TENM2: variants seen among roughly 807,000 people sequenced by gnomAD.
TENM2 encodes teneurin-2.
A neutral mutation model predicts 245.2 loss-of-function variants in TENM2; 52 were observed. The observed-to-expected ratio is 0.21, with a 90% CI of 0.17 to 0.27. The LOEUF is 0.27. TENM2 is among the 10% of genes least tolerant of loss of function. The probability of loss-of-function intolerance (pLI) is 1.00; values close to 1 mark genes in which losing one functional copy is unlikely to be tolerated. For synonymous variants in TENM2, 1,363 were observed against 1,438.9 expected, an observed-to-expected ratio of 0.95 and a Z score of 1.19; for missense variants, 3,046 against 3,666.8, an observed-to-expected ratio of 0.83 and a Z score of 4.37.
chr5:168,109,135 T>C (rs1353802221), intron 9 of TENM2, among the ~76,000 whole-genome samples: 1 of 152,160 alleles, frequency 6.6e-6, no homozygotes, highest in Non-Finnish European at 1.5e-5. Context: ...CTCAGCACAC[T>C]GCAGCTGGAT....
the TENM2 span, among the ~76,000 whole-genome samples, chr5:167,044,985 T>G: frequency 6.6e-6 from 1 of 152,070 alleles, no homozygotes; most frequent in Non-Finnish European, 1.5e-5. Flanking sequence ...AGTGTAGATT[T>G]GAGCACTTTC....
chr5:168,021,497 C>A (rs758359382), intron 5 of TENM2, among the ~76,000 whole-genome samples: 1 of 152,188 alleles, frequency 6.6e-6, no homozygotes, highest in Non-Finnish European at 1.5e-5. Context: ...CCTTTCCTTG[C>A]GTGTTTGGAG....
chr5:167,171,565 T>C, the TENM2 span, among the ~76,000 whole-genome samples: 13 of 152,042 alleles, frequency 8.6e-5, no homozygotes, highest in African/African-American at 2.9e-4. Context: ...GAAACAGCTG[T>C]TTTCACCTCC....
chr5:168,179,110 G>A (rs1206800137), intron 13 of TENM2, among the ~76,000 whole-genome samples: 1 of 135,536 alleles, frequency 7.4e-6, no homozygotes, highest in Non-Finnish European at 1.5e-5. Flanking sequence ...ACCCCAGCCT[G>A]AGCAACAGAG....
Position 167,325,064 on chromosome 5 carries a change from A to G in TENM2, c.226+40001A>G, listed in dbSNP as rs548251368. On this transcript the variant is annotated intron_variant, in intron 1 of 28. Transcript: ENST00000518659. Reference sequence around the variant, plus strand: ...TTCATTCCCCTTCCACCTCTGATCCATGTCTTTTAATCTCTTAAACTGAGA... The same window carrying G: ...TTCATTCCCCTTCCACCTCTGATCCGTGTCTTTTAATCTCTTAAACTGAGA... 1.1e-3 allele frequency among the ~76,000 whole-genome samples: 167 copies of G among 152,270 alleles called. 3 individuals carry two copies. Among genetic ancestry groups the G allele is most frequent in the African/African-American group, 3.7e-3 (153 of 41,544 alleles).
At chr5:167,613,594 A>G (rs2127754518) in intron 2 of TENM2, among the ~76,000 whole-genome samples, 1 of 152,272 alleles carries the variant, frequency 6.6e-6, no homozygotes, top group Admixed American at 6.5e-5. Flanking sequence ...CAATGACACT[A>G]GGAACCAGCC....
chr5:168,234,630 T>A (rs771034474), intron 25 of TENM2, among the ~76,000 whole-genome samples: 1 of 152,154 alleles, frequency 6.6e-6, no homozygotes, highest in Non-Finnish European at 1.5e-5. Flanking sequence ...CCAACAAGCC[T>A]TTTTTCTAGG....
intron 4 of TENM2, among the ~76,000 whole-genome samples, chr5:167,973,308 T>A (rs1781938143): frequency 6.6e-6 from 1 of 152,204 alleles, no homozygotes; most frequent in Non-Finnish European, 1.5e-5. Context: ...AACTCTGATT[T>A]TATGCTAACT....
chr5:167,795,535 C>T (rs1561789857), intron 2 of TENM2, among the ~76,000 whole-genome samples: 1 of 151,996 alleles, frequency 6.6e-6, no homozygotes, highest in African/African-American at 2.4e-5. Context: ...AGAGAAGACC[C>T]ATCTAAGGAC....
chr5:167,627,393 G>A (rs1177146639), intron 2 of TENM2, among the ~76,000 whole-genome samples: 1 of 152,036 alleles, frequency 6.6e-6, no homozygotes, highest in African/African-American at 2.4e-5. Context: ...GAGTTCACCT[G>A]CTGATATTAA....
At chr5:167,259,744 G>A in the TENM2 span, among the ~76,000 whole-genome samples, 21 of 150,886 alleles carry the variant, frequency 1.4e-4, no homozygotes, top group African/African-American at 3.2e-4. Context: ...TTGTCTCCTC[G>A]TATCCCCAGG....
intron 2 of TENM2, among the ~76,000 whole-genome samples, chr5:167,721,867 C>T (rs1334721390): frequency 6.6e-6 from 1 of 152,156 alleles, no homozygotes; most frequent in Non-Finnish European, 1.5e-5. Flanking sequence ...GACAGAAATT[C>T]CAAATGATTC....
the TENM2 span, among the ~76,000 whole-genome samples, chr5:167,012,577 C>T: frequency 6.6e-6 from 1 of 152,074 alleles, no homozygotes; most frequent in Non-Finnish European, 1.5e-5. Context: ...TGAGATACAA[C>T]CACACATGGG....
At chr5:167,424,009 G>A (rs936108223) in intron 2 of TENM2, among the ~76,000 whole-genome samples, 1 of 152,112 alleles carries the variant, frequency 6.6e-6, no homozygotes, top group African/African-American at 2.4e-5. Flanking sequence ...CCTTTGTGTG[G>A]TTATAAATTG....
At chr5:167,271,879 C>A in the TENM2 span, among the ~76,000 whole-genome samples, 1 of 152,102 alleles carries the variant, frequency 6.6e-6, no homozygotes, top group African/African-American at 2.4e-5. Flanking sequence ...GAACAGGAAG[C>A]GAATTTCCTT....
chr5:167,167,647 T>C, the TENM2 span, among the ~76,000 whole-genome samples: 1 of 152,238 alleles, frequency 6.6e-6, no homozygotes, highest in Non-Finnish European at 1.5e-5. Context: ...TGTGATCACA[T>C]AGCACGTTAT....
chr5:167,321,801 TGGGGGGGGGGGCGG>T (rs1161645257), intron 1 of TENM2, among the ~76,000 whole-genome samples: 1 of 7,282 alleles, frequency 1.4e-4, no homozygotes, highest in Non-Finnish European at 2.9e-4. Flanking sequence ...TTTTTTTTTT[TGGGGGGGGGGGCGG>T]GGGGGGGGGT....
chr5:167,473,949 G>A (rs1309831599), intron 2 of TENM2, among the ~76,000 whole-genome samples: 8 of 152,098 alleles, frequency 5.3e-5, no homozygotes, highest in African/African-American at 9.7e-5. Context: ...ATCCCAATTA[G>A]CATGCTTACT....
chr5:167,834,000 G>A (rs946582782), intron 2 of TENM2, among the ~76,000 whole-genome samples: 2 of 152,192 alleles, frequency 1.3e-5, no homozygotes, highest in African/African-American at 2.4e-5. Flanking sequence ...GGTTCTAGAT[G>A]CCTGGCTGTG....
Sources: gnomAD v4.1 joint callset for allele counts (sites outside exome capture counted in the v4.1 genomes callset) on GRCh38, gnomAD v4.1.1 for gene constraint, MANE v1.5 for transcripts, NCBI Gene and HGNC (gene_info 2026-07-23, HGNC 2026-07-21) for gene names.